Variants in AFAP1L2 observed in about 807,000 individuals in gnomAD.
The protein encoded by AFAP1L2 is actin filament-associated protein 1-like 2.
In AFAP1L2, 46 loss-of-function variants were observed where a neutral mutation model predicts 99.3. The ratio of observed to expected loss-of-function variants is 0.46; its 90% CI spans 0.37 to 0.59. The LOEUF (loss-of-function observed/expected upper bound fraction) is 0.59. Ranked by LOEUF, AFAP1L2 falls within the 20% of genes least tolerant of loss-of-function variation. The pLI, the probability that AFAP1L2 is intolerant of heterozygous loss-of-function variation, is 0.00. For missense variants in AFAP1L2, 959 were observed against 1,034.9 expected (o/e 0.93, Z 1.01); for synonymous variants, 397 against 419.1 (o/e 0.95, Z 0.64).
intron 2 of AFAP1L2, among the ~76,000 whole-genome samples, chr10:114,334,660 A>C (rs532591489): frequency 3.9e-5 from 6 of 152,216 alleles, no homozygotes; most frequent in Non-Finnish European, 8.8e-5. Flanking sequence ...TGTGCCAGGG[A>C]CTGCAGCAGT....
intron 4 of AFAP1L2, chr10:114,325,943 C>A: frequency 7.8e-7 from 1 of 1,289,386 alleles, no homozygotes; most frequent in Non-Finnish European, 1.0e-6. Flanking sequence ...CTGGCTGGGC[C>A]TCCAGCTCCA....
chr10:114,306,878 C>G (rs1268210436), intron 10 of AFAP1L2, among the ~76,000 whole-genome samples: 1 of 152,176 alleles, frequency 6.6e-6, no homozygotes, highest in Non-Finnish European at 1.5e-5. Flanking sequence ...CCTGAGGCCA[C>G]TGCCTGGCAC....
chr10:114,281,454 T>G, the AFAP1L2 span, among the ~76,000 whole-genome samples: 3 of 152,190 alleles, frequency 2.0e-5, no homozygotes, highest in Non-Finnish European at 4.4e-5. Flanking sequence ...GGGCCCTAAG[T>G]GAGCCCTCAG....
intron 1 of AFAP1L2, among the ~76,000 whole-genome samples, chr10:114,380,853 A>T (rs2055515481): frequency 6.6e-6 from 1 of 152,260 alleles, no homozygotes; most frequent in Non-Finnish European, 1.5e-5. Context: ...AACATGACAT[A>T]TAAGATTACA....
chr10:114,309,234 C>G (rs2042856441), intron 8 of AFAP1L2, among the ~76,000 whole-genome samples: 1 of 152,222 alleles, frequency 6.6e-6, no homozygotes, highest in Non-Finnish European at 1.5e-5. Context: ...CATGCCGAGT[C>G]TTTGAAGAAA....
chr10:114,355,645 T>C (rs2051249680), intron 1 of AFAP1L2, among the ~76,000 whole-genome samples: 1 of 152,084 alleles, frequency 6.6e-6, no homozygotes, highest in East Asian at 1.9e-4. Context: ...TTTGAATGCA[T>C]ACCATCTAAT....
At chr10:114,378,157 TC>T (rs2055052286) in intron 1 of AFAP1L2, among the ~76,000 whole-genome samples, 1 of 152,218 alleles carries the variant, frequency 6.6e-6, no homozygotes, top group Non-Finnish European at 1.5e-5. Flanking sequence ...CTTTACCTTA[TC>T]CACGGAATTC....
chr10:114,382,841 C>T (rs919649885), intron 1 of AFAP1L2, among the ~76,000 whole-genome samples: 4 of 151,954 alleles, frequency 2.6e-5, no homozygotes, highest in Admixed American at 6.6e-5. Context: ...GTGATCCGCT[C>T]GCCTCAGCCT....
At chr10:114,356,664 T>C (rs985848155) in intron 1 of AFAP1L2, among the ~76,000 whole-genome samples, 8 of 152,130 alleles carry the variant, frequency 5.3e-5, no homozygotes, top group Non-Finnish European at 1.0e-4. Flanking sequence ...AACAAAACAA[T>C]GTTCAGAGAG....
At chr10:114,402,359 C>T (rs527928025) in intron 1 of AFAP1L2, among the ~76,000 whole-genome samples, 1 of 152,154 alleles carries the variant, frequency 6.6e-6, no homozygotes, top group Non-Finnish European at 1.5e-5. Flanking sequence ...AATTCTATAT[C>T]CTGGGGCTAG....
chr10:114,304,213 G>A (rs1157446057), intron 11 of AFAP1L2, among the ~76,000 whole-genome samples: 1 of 152,208 alleles, frequency 6.6e-6, no homozygotes, highest in African/African-American at 2.4e-5. Flanking sequence ...TCCATGCGTG[G>A]AAGGGACTCG....
At chr10:114,304,528 C>T (rs1260185583) in intron 11 of AFAP1L2, among the ~76,000 whole-genome samples, 191 bp downstream of exon 11, 1 of 152,148 alleles carries the variant, frequency 6.6e-6, no homozygotes, top group Non-Finnish European at 1.5e-5. Context: ...ACTCTTATAA[C>T]GCAACTACTC....
At chr10:114,286,067 G>A in the AFAP1L2 span, 4 of 1,614,176 alleles carry the variant, frequency 2.5e-6, no homozygotes, top group Non-Finnish European at 3.4e-6. Flanking sequence ...CGTGCTGAGC[G>A]AGGACTCTCG....
chr10:114,342,604 A>C (rs1203933303), intron 1 of AFAP1L2, among the ~76,000 whole-genome samples: 2 of 152,154 alleles, frequency 1.3e-5, no homozygotes, highest in African/African-American at 4.8e-5. Flanking sequence ...AGTCAGGGAG[A>C]TAAGATGCTA....
chr10:114,341,611 CAA>C (rs5788058), intron 1 of AFAP1L2, among the ~76,000 whole-genome samples: 1 of 135,770 alleles, frequency 7.4e-6, no homozygotes, highest in Admixed American at 7.5e-5. Context: ...GACTCCATCT[CAA>C]AAAAAAAAAA....
At chr10:114,318,739 T>TAAA (rs1354030131) in intron 5 of AFAP1L2, among the ~76,000 whole-genome samples, 7 of 91,046 alleles carry the variant, frequency 7.7e-5, no homozygotes, top group South Asian at 7.9e-4. Flanking sequence ...AGACTCTGTC[T>TAAA]AAAAAAAAGA....
chr10:114,295,528 T>A lies in AFAP1L2; in HGVS notation c.*514A>T. 2.0e-6 allele frequency: 2 copies of A among 985,578 alleles called. No individual in the cohort carries two copies. Among genetic ancestry groups the A allele is most frequent in the Non-Finnish European group, 2.4e-6 (2 of 830,108 alleles). 61.1% of individuals were successfully genotyped at this position (985,578 alleles called of 1,614,324 possible). On this transcript the variant is annotated 3_prime_UTR_variant, in exon 19 of 19. Transcript: ENST00000304129. ...CAGATGATGTCAATGCTGTTTAAAA[T>A]CACTGAAGACTGAGTTGGGCCTGGT...
At chr10:114,369,613 A>AAAAAAC in intron 1 of AFAP1L2, among the ~76,000 whole-genome samples, 1 of 151,212 alleles carries the variant, frequency 6.6e-6, no homozygotes, top group African/African-American at 2.5e-5. Context: ...AAAAAAAAAA[A>AAAAAAC]AACTTTTTAT....
intron 1 of AFAP1L2, among the ~76,000 whole-genome samples, chr10:114,357,586 A>G (rs2051587083): frequency 2.6e-5 from 4 of 152,342 alleles, no homozygotes; most frequent in African/African-American, 7.2e-5. Flanking sequence ...TGAAAGCAGT[A>G]GTGAGTATCG....
Sources: gnomAD v4.1 joint callset for allele counts (sites outside exome capture counted in the v4.1 genomes callset) on GRCh38, gnomAD v4.1.1 for gene constraint, MANE v1.5 for transcripts, NCBI Gene and HGNC (gene_info 2026-07-23, HGNC 2026-07-21) for gene names.